The following SMC5 variants were observed in gnomAD, a reference collection of about 807,000 sequenced individuals.
SMC5 encodes structural maintenance of chromosomes 5.
A neutral mutation model predicts 148.3 loss-of-function variants in SMC5; 88 were observed. The ratio of observed to expected loss-of-function variants is 0.59; its 90% CI spans 0.50 to 0.71. The LOEUF (loss-of-function observed/expected upper bound fraction) is 0.71. Among genes scored for constraint, SMC5 ranks in the 30% least tolerant of loss-of-function variants. SMC5 has a pLI of 0.00. For synonymous variants in SMC5, 421 were observed against 432.8 expected (o/e 0.97, Z 0.34); for missense variants, 1,142 against 1,298.9 (o/e 0.88, Z 1.86).
chr9:70,269,376 G>T (rs2034382687), intron 3 of SMC5, among the ~76,000 whole-genome samples: 1 of 152,098 alleles, frequency 6.6e-6, no homozygotes, highest in Non-Finnish European at 1.5e-5. Context: ...GAGTCCAGCA[G>T]TTGGAGACCA....
rs779732073 is a variant in SMC5 at position 70,305,287 on chromosome 9, A to C, written c.1505A>C (p.Asn502Thr). 1.3e-6 allele frequency: 2 copies of C among 1,599,616 alleles called. No homozygotes were observed. The highest frequency in any genetic ancestry group is 2.2e-5 in the South Asian group (2 of 89,834). Residue 502 changes from asparagine to threonine, a missense_variant, in exon 11 of 25, where the codon AAT (asparagine) becomes ACT (threonine). This residue lies in a region of SMC5 where 743 missense variants were observed against 835.7 expected (regional missense o/e 0.89). Transcript: ENST00000361138. ...KDNKNAKYIE[N>T]HIPSNDLRAF... ...AATAAAAATGCCAAATATATTGAAA[A>C]TCATATTCCATCAAATGACTTAAGA...
At chr9:70,294,590 A>C (rs140300915) in intron 8 of SMC5, among the ~76,000 whole-genome samples, 2 of 152,322 alleles carry the variant, frequency 1.3e-5, no homozygotes, top group Admixed American at 1.3e-4. Flanking sequence ...CAAAAGATAG[A>C]GTAGGAATAC....
At chr9:70,321,872 A>G (rs2035956083) in intron 15 of SMC5, among the ~76,000 whole-genome samples, 1 of 151,964 alleles carries the variant, frequency 6.6e-6, no homozygotes, top group African/African-American at 2.4e-5. Flanking sequence ...GGTTTTTTCC[A>G]TATCCTACCA....
chr9:70,293,901 T>A (rs566180253), intron 8 of SMC5, among the ~76,000 whole-genome samples: 1 of 152,200 alleles, frequency 6.6e-6, no homozygotes, highest in Non-Finnish European at 1.5e-5. Context: ...TTTGGTAAAT[T>A]AATTGTAATT....
chr9:70,296,519 C>T (rs1291773086), intron 8 of SMC5, among the ~76,000 whole-genome samples: 2 of 150,364 alleles, frequency 1.3e-5, no homozygotes, highest in African/African-American at 4.9e-5. Flanking sequence ...CACCACTGCA[C>T]TCCAGCCTGG....
At chr9:70,308,042 T>C (rs1407286247) in intron 11 of SMC5, among the ~76,000 whole-genome samples, 1 of 152,164 alleles carries the variant, frequency 6.6e-6, no homozygotes, top group Non-Finnish European at 1.5e-5. Context: ...GGTGTGTTCA[T>C]TGCTGCTGGT....
At chr9:70,323,632 A>AT (rs1205508087) in intron 16 of SMC5, 26 bp downstream of exon 16, 1 of 1,595,886 alleles carries the variant, frequency 6.3e-7, no homozygotes, top group Non-Finnish European at 8.5e-7. Flanking sequence ...AATTTTAGTC[A>AT]TTTTTTAAAG....
At chr9:70,260,968 T>C (rs2034109248) in intron 1 of SMC5, among the ~76,000 whole-genome samples, 1 of 151,994 alleles carries the variant, frequency 6.6e-6, no homozygotes, top group Non-Finnish European at 1.5e-5. Context: ...GTTTCGAACT[T>C]CTGGGCTCAA....
chr9:70,298,310 A>G lies in SMC5; in HGVS notation c.1309+89A>G, dbSNP rs894537657. 35 of 1,404,890 alleles carry G rather than the reference A, an allele frequency of 2.5e-5. No homozygotes were observed. In the African/African-American group the frequency reaches 2.6e-4, roughly 11 times the overall value. The allele number at this position is 1,404,890 out of a possible 1,614,324, so 87.0% of individuals were successfully genotyped here. ...TTCTTCTGCTTCTATAATTATTTCT[A>G]TAAAATGTTCAAGTTGCCTTCTTGA... is the stretch of plus-strand genomic sequence containing the variant. On this transcript the variant is annotated intron_variant, in intron 9 of 24. Transcript: ENST00000361138.
chr9:70,316,767 A>G (rs2035812868), intron 13 of SMC5, among the ~76,000 whole-genome samples: 1 of 152,074 alleles, frequency 6.6e-6, no homozygotes. Context: ...TTTTTTGAAC[A>G]TGGTCATGTA....
chr9:70,345,176 TAA>T, intron 18 of SMC5, among the ~76,000 whole-genome samples: 2 of 149,558 alleles, frequency 1.3e-5, no homozygotes, highest in East Asian at 3.9e-4. Flanking sequence ...TACAATCTAC[TAA>T]TTTTTTTTTT....
intron 5 of SMC5, among the ~76,000 whole-genome samples, chr9:70,279,185 CCA>C (rs2034677425): frequency 6.6e-6 from 1 of 151,980 alleles, no homozygotes; most frequent in Non-Finnish European, 1.5e-5. Context: ...TTTCTACATC[CCA>C]GCAACTAAAA....
chr9:70,261,466 G>T (rs990358801), intron 1 of SMC5, among the ~76,000 whole-genome samples: 2 of 152,228 alleles, frequency 1.3e-5, no homozygotes, highest in African/African-American at 4.8e-5. Flanking sequence ...AAGTGTAAGA[G>T]CCTTAGCTAA....
chr9:70,315,601 A>G (rs753523812), intron 13 of SMC5, 23 bp downstream of exon 13: 4 of 1,481,432 alleles, frequency 2.7e-6, no homozygotes, highest in Admixed American at 4.1e-5. Flanking sequence ...TGAATCATGT[A>G]CTGAATCATG....
chr9:70,299,688 A>G (rs977562583), intron 9 of SMC5, among the ~76,000 whole-genome samples: 2 of 151,204 alleles, frequency 1.3e-5, no homozygotes, highest in Non-Finnish European at 2.9e-5. Flanking sequence ...TGTTGTATAT[A>G]CAATTCTAGA....
chr9:70,265,446 T>A (rs2034265491), intron 2 of SMC5, among the ~76,000 whole-genome samples: 1 of 151,812 alleles, frequency 6.6e-6, no homozygotes, highest in Non-Finnish European at 1.5e-5. Flanking sequence ...GCAACAAGAG[T>A]GAGACTCTGT....
chr9:70,296,653 A>G (rs918860069), intron 8 of SMC5, among the ~76,000 whole-genome samples: 2 of 152,190 alleles, frequency 1.3e-5, no homozygotes, highest in Non-Finnish European at 2.9e-5. Context: ...TATAACTTTT[A>G]TAATGAGGAA....
intron 15 of SMC5, among the ~76,000 whole-genome samples, chr9:70,320,195 T>C (rs2035908454): frequency 6.6e-6 from 1 of 152,234 alleles, no homozygotes; most frequent in Non-Finnish European, 1.5e-5. Context: ...ACTACAAATA[T>C]TTAATAAGCA....
At chr9:70,278,316 AGTTTATATCCTAAGTTTATCTT>A (rs2034651411) in intron 4 of SMC5, among the ~76,000 whole-genome samples, 153 bp from the exon 5 acceptor site, 1 of 152,128 alleles carries the variant, frequency 6.6e-6, no homozygotes, top group Non-Finnish European at 1.5e-5. Flanking sequence ...AAAAGGTAAC[AGTTTATATCCTAAGTTTATCTT>A]CATTATTCTA....
Sources: allele counts gnomAD v4.1 joint callset (sites outside exome capture counted in the v4.1 genomes callset), GRCh38; gene constraint gnomAD v4.1.1; regional missense constraint gnomAD v4.1.1; transcripts MANE v1.5; gene names NCBI Gene and HGNC (gene_info 2026-07-23, HGNC 2026-07-21).